Variants in RANBP10 observed in about 807,000 individuals in gnomAD.
The protein encoded by RANBP10 is ran-binding protein 10.
RANBP10 carries 24 observed loss-of-function variants against 72.8 expected under a neutral mutation model. The ratio of observed to expected loss-of-function variants is 0.33; its 90% CI spans 0.24 to 0.46. The LOEUF (loss-of-function observed/expected upper bound fraction) is 0.46. RANBP10 is among the 20% of genes least tolerant of loss of function. The pLI, the probability that RANBP10 is intolerant of heterozygous loss-of-function variation, is 1.00. For synonymous variants in RANBP10, 310 were observed against 322.3 expected (o/e 0.96, Z 0.41); for missense variants, 679 against 817.5 (o/e 0.83, Z 2.07).
intron 2 of RANBP10, among the ~76,000 whole-genome samples, chr16:67,795,329 C>T (rs1222108567): frequency 1.3e-5 from 2 of 150,546 alleles, no homozygotes; most frequent in South Asian, 2.1e-4. Flanking sequence ...GACCTAAGGT[C>T]GGGAGTTCAA....
At chr16:67,785,172 A>T (rs980213596) in intron 2 of RANBP10, among the ~76,000 whole-genome samples, 1 of 152,028 alleles carries the variant, frequency 6.6e-6, no homozygotes, top group East Asian at 1.9e-4. Flanking sequence ...AGATCGTGCC[A>T]CTGCATTCCA....
intron 2 of RANBP10, among the ~76,000 whole-genome samples, chr16:67,781,499 A>G (rs1267257820): frequency 6.6e-6 from 1 of 152,192 alleles, no homozygotes; most frequent in Non-Finnish European, 1.5e-5. Context: ...ACTGCAGGAT[A>G]TATTTCAGGA....
intron 3 of RANBP10, chr16:67,759,445 T>C (rs1274960234): frequency 2.0e-5 from 3 of 152,186 alleles, no homozygotes; most frequent in Admixed American, 6.5e-5. Context: ...AATCAGTTGG[T>C]TTCTTCCCCC....
At chr16:67,749,436 G>A (rs2143007398) in intron 3 of RANBP10, among the ~76,000 whole-genome samples, 1 of 152,322 alleles carries the variant, frequency 6.6e-6, no homozygotes, top group South Asian at 2.1e-4. Flanking sequence ...GCCATCACCA[G>A]GAAACCAGTG....
At chr16:67,770,612 T>C (rs1262929630) in intron 3 of RANBP10, among the ~76,000 whole-genome samples, 1 of 152,186 alleles carries the variant, frequency 6.6e-6, no homozygotes, top group Non-Finnish European at 1.5e-5. Context: ...CAGGGAAGCC[T>C]GGATCATGTC....
chr16:67,754,112 G>A (rs929666260), intron 3 of RANBP10, among the ~76,000 whole-genome samples: 8 of 145,910 alleles, frequency 5.5e-5, no homozygotes, highest in Non-Finnish European at 6.0e-5. Context: ...CAGCCTGGGC[G>A]ACAGAGCAAG....
chr16:67,795,218 C>A (rs775512408), intron 2 of RANBP10, among the ~76,000 whole-genome samples: 64 of 151,860 alleles, frequency 4.2e-4, no homozygotes, highest in Non-Finnish European at 7.9e-4. Flanking sequence ...GCACTCCAGC[C>A]TGGGCAACAG....
At chr16:67,763,397 A>C (rs2143010506) in intron 3 of RANBP10, 1 of 152,370 alleles carries the variant, frequency 6.6e-6, no homozygotes, top group South Asian at 2.1e-4. Context: ...GATGGGGAAC[A>C]CACGAGGATC....
At chr16:67,789,768 G>A (rs535555495) in intron 2 of RANBP10, among the ~76,000 whole-genome samples, 31 of 151,516 alleles carry the variant, frequency 2.0e-4, no homozygotes, top group South Asian at 1.0e-3. Flanking sequence ...ACCATGCCCA[G>A]ACAACCATAT....
rs149973005 is a variant in RANBP10, at chr16:67,795,951, C to G, written c.347+9477G>C. Among the ~76,000 whole-genome samples the G allele has an allele frequency of 8.7e-3, 1,225 of 140,862 alleles. 6 individuals carry two copies. Among genetic ancestry groups the G allele is most frequent in the African/African-American group, 0.023 (874 of 38,118 alleles). The allele number at this position is 140,862 out of a possible 152,430, so 92.4% of individuals were successfully genotyped here. ...TTTTTTTTGGAGACAGAGCCTTACT[C>G]TGTTGCCCAGGCTGGAGTGCAGTGG... On this transcript the variant is annotated intron_variant, in intron 2 of 13. Coordinates refer to ENST00000317506, the MANE Select transcript of RANBP10 (RefSeq NM_020850.3).
intron 3 of RANBP10, among the ~76,000 whole-genome samples, chr16:67,757,328 C>T (rs1399771318): frequency 5.9e-5 from 9 of 152,162 alleles, no homozygotes; most frequent in Admixed American, 3.3e-4. Flanking sequence ...GAATGGCCAC[C>T]GACGGCAGCC....
At chr16:67,750,825 G>A (rs1366027107) in intron 3 of RANBP10, among the ~76,000 whole-genome samples, 9 of 146,736 alleles carry the variant, frequency 6.1e-5, no homozygotes, top group Non-Finnish European at 1.0e-4. Context: ...GGAGTGCAGC[G>A]GCGCAATCTC....
rs375921689 is a variant in RANBP10, at chr16:67,771,971, A to C, written c.400+63T>G. On this transcript the variant is annotated intron_variant, in intron 3 of 13. Transcript: ENST00000317506. ...CCTCCCCAGCCTCTCTGCTACCACC[A>C]TGACTCTCAACCCCAATTGGATCAG... is the stretch of plus-strand genomic sequence containing the variant. 64 of 1,567,550 alleles carry C rather than the reference A, an allele frequency of 4.1e-5. No individual in the cohort carries two copies. In the African/African-American group the frequency reaches 7.7e-4, roughly 19 times the overall value.
intron 3 of RANBP10, among the ~76,000 whole-genome samples, chr16:67,758,338 A>C (rs1322238979): frequency 6.6e-6 from 1 of 152,194 alleles, no homozygotes; most frequent in Non-Finnish European, 1.5e-5. Flanking sequence ...TTGCCAGGCT[A>C]GGTGTCTCTC....
At position 67,795,780 on chromosome 16, in the gene RANBP10, G is replaced by A. The variant is rs186922718; in HGVS notation, c.347+9648C>T. On this transcript the variant is annotated intron_variant, in intron 2 of 13. Transcript: ENST00000317506. The stretch of plus-strand genomic sequence containing the variant: ...TGAGGCAGGAGAGTGGCGTGAACCC[G>A]GAAAGTGGAGCTTGCAGTGAGCTGA... Among the ~76,000 whole-genome samples, 917 of 151,146 alleles carry A rather than the reference G, an allele frequency of 6.1e-3. 39 individuals carry two copies. Among genetic ancestry groups the A allele is most frequent in the Admixed American group, 0.058 (873 of 15,144 alleles).
rs1225429202 is a variant in RANBP10 at position 67,725,023 on chromosome 16, A to G, written c.*1405T>C. 1 of 152,902 alleles carries G rather than the reference A, an allele frequency of 6.5e-6. No homozygotes were observed. Among genetic ancestry groups the G allele is most frequent in the Non-Finnish European group, 1.5e-5 (1 of 68,234 alleles). The allele number at this position is 152,902 out of a possible 1,614,324, so 9.5% of individuals were successfully genotyped here. ...TGGGCCACCCCAAGTCCTGGCAACCATCTCAGTCTTTCCTTTCCTGATTCC... is the reference window on the plus strand; with the variant it reads ...TGGGCCACCCCAAGTCCTGGCAACCGTCTCAGTCTTTCCTTTCCTGATTCC... On this transcript the variant is annotated 3_prime_UTR_variant, in exon 14 of 14. Transcript: ENST00000317506.
At position 67,760,911 on chromosome 16, in the gene RANBP10, C is replaced by T. The variant is rs914368168; in HGVS notation, c.400+11123G>A. ...AGCAAGATTTGTCTTTCTCCCACCCCCTTAAAGTGCCAAGCCTGGGAGACG... is the reference window on the plus strand; with the variant it reads ...AGCAAGATTTGTCTTTCTCCCACCCTCTTAAAGTGCCAAGCCTGGGAGACG... On this transcript the variant is annotated intron_variant, in intron 3 of 13. Coordinates refer to ENST00000317506, the MANE Select transcript of RANBP10 (RefSeq NM_020850.3). 2.0e-5 allele frequency among the ~76,000 whole-genome samples: 3 copies of T among 152,124 alleles called. No homozygotes were observed. The East Asian group carries it at 5.8e-4, about 29-fold the overall frequency.
intron 3 of RANBP10, among the ~76,000 whole-genome samples, chr16:67,768,641 G>A (rs2054548224): frequency 6.6e-6 from 1 of 152,138 alleles, no homozygotes; most frequent in Non-Finnish European, 1.5e-5. Flanking sequence ...GCTTCAGCCT[G>A]CAAGGTTGAG....
intron 3 of RANBP10, among the ~76,000 whole-genome samples, chr16:67,754,262 A>C (rs1035174181): frequency 6.6e-6 from 1 of 152,184 alleles, no homozygotes; most frequent in African/African-American, 2.4e-5. Flanking sequence ...AGATGGTGGC[A>C]GGTCCAGGGA....
Sources: allele counts gnomAD v4.1 joint callset (sites outside exome capture counted in the v4.1 genomes callset), GRCh38; gene constraint gnomAD v4.1.1; transcripts MANE v1.5; gene names NCBI Gene and HGNC (gene_info 2026-07-23, HGNC 2026-07-21).